Variants in RAB3C observed in about 807,000 individuals in gnomAD.
RAB3C encodes the protein ras-related protein Rab-3C.
RAB3C carries 17 observed loss-of-function variants against 26.4 expected under a neutral mutation model. The observed-to-expected ratio is 0.64, with a 90% CI of 0.44 to 0.97. RAB3C has a LOEUF of 0.97. Among genes scored for constraint, RAB3C ranks in the 50% least tolerant of loss-of-function variants. The pLI is 0.00. For missense variants in RAB3C, 242 were observed against 281.9 expected (o/e 0.86, Z 1.01); for synonymous variants, 91 against 95.9 (o/e 0.95, Z 0.30).
At chr5:58,640,092 C>A (rs950616273) in intron 2 of RAB3C, among the ~76,000 whole-genome samples, 3 of 152,158 alleles carry the variant, frequency 2.0e-5, no homozygotes, top group African/African-American at 7.2e-5. Flanking sequence ...TGGGTATTCC[C>A]AGTGCCTTTT....
At chr5:58,599,824 CT>C (rs1746411182) in intron 1 of RAB3C, among the ~76,000 whole-genome samples, 1 of 151,856 alleles carries the variant, frequency 6.6e-6, no homozygotes, top group African/African-American at 2.4e-5. Context: ...CTGACTGTTC[CT>C]TTTGATGTGC....
intron 3 of RAB3C, among the ~76,000 whole-genome samples, chr5:58,751,652 T>C (rs1741527777): frequency 6.6e-6 from 1 of 152,236 alleles, no homozygotes; most frequent in African/African-American, 2.4e-5. Flanking sequence ...TGAAAGTACA[T>C]TGACATCATA....
intron 3 of RAB3C, among the ~76,000 whole-genome samples, chr5:58,813,631 T>TAC (rs1743144943): frequency 8.7e-5 from 1 of 11,440 alleles, no homozygotes; most frequent in African/African-American, 3.4e-4. Context: ...TATATATATA[T>TAC]ATACACACAC....
chr5:58,743,962 C>T (rs1741337329), intron 3 of RAB3C, among the ~76,000 whole-genome samples: 1 of 152,188 alleles, frequency 6.6e-6, no homozygotes, highest in Admixed American at 6.5e-5. Flanking sequence ...TATGCCCTTA[C>T]CTCTATGGCC....
intron 3 of RAB3C, among the ~76,000 whole-genome samples, chr5:58,804,629 G>A (rs1012823825): frequency 6.6e-6 from 1 of 152,064 alleles, no homozygotes; most frequent in Non-Finnish European, 1.5e-5. Context: ...TGGCCTGAAT[G>A]CCAGGGAGAG....
At chr5:58,640,971 G>A (rs1747402045) in intron 2 of RAB3C, among the ~76,000 whole-genome samples, 1 of 152,168 alleles carries the variant, frequency 6.6e-6, no homozygotes, top group Non-Finnish European at 1.5e-5. Context: ...TTCTTAATCA[G>A]ATCATTCCTT....
chr5:58,705,074 T>C (rs1029160422), intron 2 of RAB3C, among the ~76,000 whole-genome samples: 2 of 150,594 alleles, frequency 1.3e-5, no homozygotes, highest in Non-Finnish European at 2.9e-5. Context: ...AATATCACTA[T>C]GATAATTTTT....
chr5:58,616,536 T>C (rs952680089), intron 1 of RAB3C, among the ~76,000 whole-genome samples: 9 of 152,164 alleles, frequency 5.9e-5, no homozygotes, highest in African/African-American at 2.2e-4. Context: ...AAGATGATCA[T>C]CAAAAAAGAT....
At chr5:58,597,811 ATATAAGTATACGATAACATG>A (rs2111678189) in intron 1 of RAB3C, among the ~76,000 whole-genome samples, 1 of 94,212 alleles carries the variant, frequency 1.1e-5, no homozygotes, top group African/African-American at 4.7e-5. Flanking sequence ...AATACATTAT[ATATAAGTATACGATAACATG>A]TAATACATTA....
intron 2 of RAB3C, among the ~76,000 whole-genome samples, chr5:58,683,130 C>T (rs754542284): frequency 2.0e-5 from 3 of 152,292 alleles, no homozygotes; most frequent in South Asian, 2.1e-4. Context: ...TTCTCATGAA[C>T]ATGGTTTATT....
chr5:58,652,044 A>C (rs545482979), intron 2 of RAB3C, among the ~76,000 whole-genome samples: 1 of 151,948 alleles, frequency 6.6e-6, no homozygotes, highest in Non-Finnish European at 1.5e-5. Flanking sequence ...GTTTGAATCC[A>C]TGTTTGCAGA....
At chr5:58,783,583 C>T (rs2409612) in intron 3 of RAB3C, among the ~76,000 whole-genome samples, 1 of 7,414 alleles carries the variant, frequency 1.3e-4, no homozygotes, top group Admixed American at 9.7e-4. Flanking sequence ...TCTCACTTTG[C>T]ACCGAGGGAG....
chr5:58,751,039 A>T (rs1741511984), intron 3 of RAB3C, among the ~76,000 whole-genome samples: 1 of 152,048 alleles, frequency 6.6e-6, no homozygotes, highest in African/African-American at 2.4e-5. Context: ...ATTTTAGTGG[A>T]GACGGAGTTT....
At chr5:58,846,617 G>A (rs61101052) in intron 4 of RAB3C, among the ~76,000 whole-genome samples, 7,663 of 152,042 alleles carry the variant, frequency 0.05, 644 homozygotes, top group African/African-American at 0.17. Context: ...GAGCTCAAGC[G>A]ATCCTCCCAC....
chr5:58,845,641 T>C (rs1743982160), intron 4 of RAB3C, among the ~76,000 whole-genome samples: 1 of 141,674 alleles, frequency 7.1e-6, no homozygotes, highest in Admixed American at 7.1e-5. Context: ...TATATGTATA[T>C]ATACATATAT....
At chr5:58,715,787 C>G (rs1004115081) in intron 2 of RAB3C, among the ~76,000 whole-genome samples, 2 of 151,914 alleles carry the variant, frequency 1.3e-5, no homozygotes, top group African/African-American at 4.8e-5. Flanking sequence ...CTGTACAGCA[C>G]CATGAAGAGG....
chr5:58,810,697 A>G (rs781770468), intron 3 of RAB3C, among the ~76,000 whole-genome samples: 2 of 152,132 alleles, frequency 1.3e-5, no homozygotes, highest in South Asian at 2.1e-4. Flanking sequence ...CCGAGGTTCA[A>G]GCGATTCTCC....
intron 2 of RAB3C, among the ~76,000 whole-genome samples, chr5:58,644,881 C>T (rs1747486564): frequency 6.6e-6 from 1 of 152,198 alleles, no homozygotes; most frequent in Non-Finnish European, 1.5e-5. Context: ...AAAAGCTAAA[C>T]AGGAGCACAC....
chr5:58,600,115 G>A (rs1746418237), intron 1 of RAB3C, among the ~76,000 whole-genome samples: 1 of 151,752 alleles, frequency 6.6e-6, no homozygotes, highest in Non-Finnish European at 1.5e-5. Flanking sequence ...GGGACTTTAT[G>A]TTTTTGTTTG....
Sources: gnomAD v4.1 joint callset for allele counts (sites outside exome capture counted in the v4.1 genomes callset) on GRCh38, gnomAD v4.1.1 for gene constraint, MANE v1.5 for transcripts, NCBI Gene and HGNC (gene_info 2026-07-23, HGNC 2026-07-21) for gene names.